The following ATOSA variants were observed in gnomAD, a reference collection of about 807,000 sequenced individuals.
The protein encoded by ATOSA is atos homolog protein A.
the ATOSA span, among the ~76,000 whole-genome samples, chr15:52,663,501 T>G: frequency 6.6e-6 from 1 of 152,182 alleles, no homozygotes; most frequent in African/African-American, 2.4e-5. Context: ...AGAAAAAAAT[T>G]TAGCCCAATG....
the ATOSA span, among the ~76,000 whole-genome samples, chr15:52,691,514 C>T: frequency 6.6e-6 from 1 of 152,112 alleles, no homozygotes; most frequent in African/African-American, 2.4e-5. Context: ...CTTAAGGAAA[C>T]TATAAACTAT....
the ATOSA span, among the ~76,000 whole-genome samples, chr15:52,602,501 C>T: frequency 2.0e-4 from 30 of 152,130 alleles, no homozygotes; most frequent in Non-Finnish European, 5.9e-5. Context: ...TAAATCCTCA[C>T]TGCCCTGGGT....
the ATOSA span, chr15:52,679,204 C>T: frequency 1.3e-5 from 2 of 153,758 alleles, no homozygotes; most frequent in African/African-American, 4.8e-5. Context: ...GCCCCTCCGC[C>T]CTGCCTGACT....
chr15:52,609,464 C>T, the ATOSA span: 31 of 1,613,662 alleles, frequency 1.9e-5, 1 homozygote, highest in Middle Eastern at 3.3e-4. Context: ...GCAATAACAT[C>T]TTGCCGCTCC....
chr15:52,652,079 A>T, the ATOSA span: 4 of 1,442,206 alleles, frequency 2.8e-6, no homozygotes, highest in African/African-American at 5.7e-5. Context: ...GAGCGCACAT[A>T]GCAACAGCAC....
chr15:52,601,182 C>A, the ATOSA span: 20 of 1,468,716 alleles, frequency 1.4e-5, no homozygotes, highest in East Asian at 4.8e-4. Context: ...TCAAAACGAT[C>A]ATTTGTGATA....
chr15:52,636,035 A>G, the ATOSA span, among the ~76,000 whole-genome samples: 1 of 147,456 alleles, frequency 6.8e-6, no homozygotes, highest in Non-Finnish European at 1.5e-5. Flanking sequence ...TAAATAATAA[A>G]TATATATTAT....
At chr15:52,663,919 G>A in the ATOSA span, among the ~76,000 whole-genome samples, 45 of 152,214 alleles carry the variant, frequency 3.0e-4, no homozygotes, top group Middle Eastern at 6.8e-3. Context: ...AAAAAGTTGG[G>A]AAATATTGTA....
At chr15:52,587,220 C>T in the ATOSA span, 2 of 1,611,476 alleles carry the variant, frequency 1.2e-6, no homozygotes, top group Non-Finnish European at 1.7e-6. Flanking sequence ...TAATCACACC[C>T]TTGAAATAAA....
chr15:52,616,137 C>A, the ATOSA span, among the ~76,000 whole-genome samples: 1 of 152,174 alleles, frequency 6.6e-6, no homozygotes, highest in African/African-American at 2.4e-5. Context: ...ACTGTGATAA[C>A]CACTCGTACA....
At chr15:52,590,852 G>A in the ATOSA span, 1 of 152,184 alleles carries the variant, frequency 6.6e-6, no homozygotes, top group Non-Finnish European at 1.5e-5. Context: ...AAATATAAAT[G>A]GGATAGTTGA....
the ATOSA span, chr15:52,593,884 T>C: frequency 1.2e-6 from 1 of 808,490 alleles, no homozygotes; most frequent in African/African-American, 1.8e-5. Context: ...GAACAGTGGT[T>C]GTTACCATTG....
At chr15:52,592,796 T>A in the ATOSA span, among the ~76,000 whole-genome samples, 1 of 152,184 alleles carries the variant, frequency 6.6e-6, no homozygotes, top group African/African-American at 2.4e-5. Context: ...CTCCTCTTAG[T>A]TATTTCACTC....
the ATOSA span, among the ~76,000 whole-genome samples, chr15:52,624,548 C>A: frequency 2.6e-4 from 40 of 152,268 alleles, no homozygotes; most frequent in Non-Finnish European, 4.9e-4. Context: ...GGGCATTAAT[C>A]ACAAATGTGA....
the ATOSA span, among the ~76,000 whole-genome samples, chr15:52,701,691 TA>T: frequency 6.6e-6 from 1 of 152,194 alleles, no homozygotes; most frequent in Non-Finnish European, 1.5e-5. Flanking sequence ...AAAATTCAGA[TA>T]CTATTAAGAA....
chr15:52,665,329 G>C, the ATOSA span, among the ~76,000 whole-genome samples: 1 of 152,220 alleles, frequency 6.6e-6, no homozygotes, highest in Non-Finnish European at 1.5e-5. Flanking sequence ...GGCATATAAT[G>C]TTGGAGAATG....
chr15:52,672,473 A>G, the ATOSA span, among the ~76,000 whole-genome samples: 1 of 148,616 alleles, frequency 6.7e-6, no homozygotes, highest in Non-Finnish European at 1.5e-5. Flanking sequence ...ACTGTTTCCA[A>G]GTACTACAAT....
the ATOSA span, chr15:52,598,539 C>G: frequency 6.6e-6 from 1 of 152,114 alleles, no homozygotes; most frequent in Non-Finnish European, 1.5e-5. Context: ...TTTTATTGCA[C>G]AGAATGTCAA....
the ATOSA span, among the ~76,000 whole-genome samples, chr15:52,624,226 CGTTTTTGTTTTT>C: frequency 3.3e-5 from 5 of 152,256 alleles, no homozygotes; most frequent in South Asian, 2.1e-4. Flanking sequence ...TGAGCTTAAA[CGTTTTTGTTTTT>C]GTTTTTGTTT....
Sources: allele counts gnomAD v4.1 joint callset (sites outside exome capture counted in the v4.1 genomes callset), GRCh38; gene constraint gnomAD v4.1.1; transcripts MANE v1.5; gene names NCBI Gene and HGNC (gene_info 2026-07-23, HGNC 2026-07-21).